MIF4GD: variants seen among roughly 807,000 people sequenced by gnomAD.
MIF4GD encodes MIF4G domain containing, also known as MIF4G domain-containing protein.
In MIF4GD, 22 loss-of-function variants were observed where a neutral mutation model predicts 26.7. That is an observed-to-expected ratio of 0.82 (90% CI 0.59 to 1.18). The LOEUF (loss-of-function observed/expected upper bound fraction) is 1.18. MIF4GD is among the 50% of genes most tolerant of loss of function. MIF4GD has a pLI of 0.00. For synonymous variants in MIF4GD, 137 were observed against 111.6 expected, an observed-to-expected ratio of 1.23 and a Z score of -1.43; for missense variants, 262 against 279.6, an observed-to-expected ratio of 0.94 and a Z score of 0.45.
chr17:75,267,631 C>T lies in MIF4GD; in HGVS notation c.349-1G>A, dbSNP rs769313826. 29 of 1,614,118 alleles carry T rather than the reference C, an allele frequency of 1.8e-5. No individual in the cohort carries two copies. In the South Asian group the frequency reaches 3.2e-4, roughly 18 times the overall value. On this transcript the variant is annotated splice_acceptor_variant, in intron 4 of 5. Transcript: ENST00000325102. LOFTEE classifies it high-confidence loss of function. The stretch of plus-strand genomic sequence containing the variant: ...GGGCCATCATGGGCATGTTGTTCAC[C>T]TGTGAGGAAGAGGAGGGGTCAGAGC...
Position 75,270,688 on chromosome 17 carries a change from CCT to C in MIF4GD, c.-50-445_-50-444del, listed in dbSNP as rs1414172965. ...AGGTCTCCGAGCCCCTCTCCCCAAC[CCT>C]CTCTTTCTGGCTTTCGCCGAGTCCT... On this transcript the variant is annotated intron_variant, in intron 1 of 5. Coordinates refer to ENST00000325102, the MANE Select transcript of MIF4GD (RefSeq NM_001370592.1). This position sits in a 1 kb window ranked among gnomAD's most constrained non-coding sequence, Gnocchi z 5.7. The C allele has an allele frequency of 1.3e-5, 2 of 157,204 alleles. No individual in the cohort carries two copies. Among genetic ancestry groups the C allele is most frequent in the East Asian group, 1.9e-4 (1 of 5,270 alleles). The allele number at this position is 157,204 out of a possible 1,614,324, so 9.7% of individuals were successfully genotyped here. A position where few individuals can be genotyped will look rare whatever the true frequency, so the allele number is the denominator to read the frequency against.
intron 2 of MIF4GD, chr17:75,269,319 T>A: frequency 6.2e-7 from 1 of 1,610,716 alleles, no homozygotes; most frequent in South Asian, 1.1e-5. Flanking sequence ...ACATGATGGG[T>A]GTTGCTAATT....
chr17:75,269,207 C>T, intron 2 of MIF4GD: 2 of 862,060 alleles, frequency 2.3e-6, no homozygotes, highest in Non-Finnish European at 3.5e-6. Flanking sequence ...CAGGACATGC[C>T]TCCAACAGCA....
chr17:75,269,295 A>ATGT, intron 2 of MIF4GD: 1 of 1,604,192 alleles, frequency 6.2e-7, no homozygotes, highest in Admixed American at 1.7e-5. Flanking sequence ...GCCTCCCAAC[A>ATGT]GGCTCGGCTT....
At chr17:75,267,208 C>T (rs1158576985) in intron 5 of MIF4GD, among the ~76,000 whole-genome samples, 2 of 67,874 alleles carry the variant, frequency 2.9e-5, no homozygotes, top group Non-Finnish European at 4.3e-5. Context: ...TCATCCCACT[C>T]TCCTGCCTCC....
Position 75,266,618 on chromosome 17 carries a change from G to T in MIF4GD, c.*122C>A. The T allele has an allele frequency of 1.1e-6, 1 of 897,558 alleles. No homozygotes were observed. The highest frequency in any genetic ancestry group is 1.8e-6 in the Non-Finnish European group (1 of 560,518). The allele number at this position is 897,558 out of a possible 1,614,324, so 55.6% of individuals were successfully genotyped here. On this transcript the variant is annotated 3_prime_UTR_variant, in exon 6 of 6. Coordinates refer to ENST00000325102, the MANE Select transcript of MIF4GD (RefSeq NM_001370592.1). ...TCTCACCAGGAGATGGGAAAGTCTA[G>T]AAGGGAAGACACTCAAAGTCTGGAA...
At chr17:75,269,737 C>CTTTTTTTTTTTTTTTT (rs796368431) in intron 2 of MIF4GD, among the ~76,000 whole-genome samples, 2 of 103,720 alleles carry the variant, frequency 1.9e-5, no homozygotes, top group Non-Finnish European at 3.6e-5. Flanking sequence ...TTTTTCTTTT[C>CTTTTTTTTTTTTTTTT]TTTCTTTTTT....
chr17:75,267,770 G>C lies in MIF4GD; in HGVS notation c.324C>G (p.Ile108Met), dbSNP rs772752581. 1.2e-6 allele frequency: 2 copies of C among 1,613,876 alleles called. No individual in the cohort carries two copies. The highest frequency in any genetic ancestry group is 8.5e-7 in the Non-Finnish European group (1 of 1,179,888). Residue 108 changes from isoleucine to methionine, a missense_variant, in exon 4 of 6, where the codon ATC becomes ATG. Physicochemically the swap from Ile to Met is conservative, Grantham distance 10. Coordinates refer to ENST00000325102, the MANE Select transcript of MIF4GD (RefSeq NM_001370592.1). Reference protein sequence around the residue: ...LQGWVCYVTFICNIFDYLRVN... With the variant: ...LQGWVCYVTFMCNIFDYLRVN... Reference sequence around the variant, plus strand: ...CCCTCAGGTAGTCAAAGATGTTGCAGATAAAGGTGACATAGCAGACCCAGC... The same window carrying C: ...CCCTCAGGTAGTCAAAGATGTTGCACATAAAGGTGACATAGCAGACCCAGC...
rs1029856179 is a variant in MIF4GD, at chr17:75,269,525, G to A, written c.82+589C>T. 1.5e-4 allele frequency: 212 copies of A among 1,427,540 alleles called. No individual in the cohort carries two copies. In the Admixed American group the frequency reaches 1.7e-3, roughly 11 times the overall value. The allele number at this position is 1,427,540 out of a possible 1,614,324, so 88.4% of individuals were successfully genotyped here. ...TGTAAGCGCTTCAAGGGCAGGAGCC[G>A]TGTTCTTTTTTTTATGGTTAAACTT... On this transcript the variant is annotated intron_variant, in intron 2 of 5. Coordinates refer to ENST00000325102, the MANE Select transcript of MIF4GD (RefSeq NM_001370592.1).
At chr17:75,268,671 CAAAAA>C (rs1192409186) in intron 2 of MIF4GD, among the ~76,000 whole-genome samples, 1 of 47,842 alleles carries the variant, frequency 2.1e-5, no homozygotes. Flanking sequence ...GACTCCGTCT[CAAAAA>C]AAAAAAAAAA....
rs1289804485 is a variant in MIF4GD at position 75,267,740 on chromosome 17, C to T, written c.348+6G>A. 4 of 1,612,244 alleles carry T rather than the reference C, an allele frequency of 2.5e-6. No homozygotes were observed. Among genetic ancestry groups the T allele is most frequent in the Non-Finnish European group, 3.4e-6 (4 of 1,178,744 alleles). On this transcript the variant is annotated splice_donor_region_variant and intron_variant, in intron 4 of 5. Coordinates refer to ENST00000325102, the MANE Select transcript of MIF4GD (RefSeq NM_001370592.1). ...CTGCCTCCCAGGGTGGCTGCCGGGG[C>T]CTCACCCTCAGGTAGTCAAAGATGT...
In MIF4GD at chr17:75,266,697, A is replaced by T. The variant is rs1434007977; in HGVS notation, c.*43T>A. 1 of 1,575,880 alleles carries T rather than the reference A, an allele frequency of 6.3e-7. No homozygotes were observed. Among genetic ancestry groups the T allele is most frequent in the East Asian group, 2.2e-5 (1 of 44,666 alleles). On this transcript the variant is annotated 3_prime_UTR_variant, in exon 6 of 6. Transcript: ENST00000325102. ...TCCACTGCCAGCTTTAGAGGTGGGT[A>T]GAAGAAAGGCCAGTGCTGGTGAGGA...
At position 75,267,893 on chromosome 17, in the gene MIF4GD, ACT is replaced by A. The variant is rs765641121; in HGVS notation, c.199_200del (p.Ser67Ter). The A allele has an allele frequency of 1.6e-5, 25 of 1,611,494 alleles. No homozygotes were observed. The highest frequency in any genetic ancestry group is 5.3e-5 in the African/African-American group (4 of 74,780). On this transcript the variant is annotated frameshift_variant, in exon 4 of 6. Transcript: ENST00000325102. LOFTEE classifies it high-confidence loss of function. ...GGAAGACACTCTGGCCTGCTTGTTT[ACT>A]CTCTGCCTGTGAGCCAGGGAGAGGA... The part of the protein sequence containing the change: ...RMCYAIIQAE[S>X]KQAGQSVFRR...
At chr17:75,267,215 C>T (rs1479141509) in intron 5 of MIF4GD, among the ~76,000 whole-genome samples, 1 of 152,240 alleles carries the variant, frequency 6.6e-6, no homozygotes, top group Non-Finnish European at 1.5e-5. Flanking sequence ...ACTCTCCTGC[C>T]TCCCACACAC....
chr17:75,269,922 A>G (rs571624586), intron 2 of MIF4GD, among the ~76,000 whole-genome samples, 192 bp downstream of exon 2: 1 of 151,824 alleles, frequency 6.6e-6, no homozygotes, highest in Admixed American at 6.6e-5. Context: ...CTGAGAGGTG[A>G]CTGTGATTCA....
intron 5 of MIF4GD, 48 bp from the exon 6 acceptor site, chr17:75,267,015 CCT>C (rs1168739918): frequency 2.6e-6 from 4 of 1,532,338 alleles, no homozygotes; most frequent in East Asian, 2.3e-5. Context: ...GCAGTGCCAG[CCT>C]CTCACACAGC....
At position 75,271,059 on chromosome 17, in the gene MIF4GD, C is replaced by T. The variant is rs1219652320; in HGVS notation, c.-51+85G>A. 6.6e-6 allele frequency: 1 copy of T among 151,818 alleles called. No homozygotes were observed. The highest frequency in any genetic ancestry group is 2.4e-5 in the African/African-American group (1 of 41,408). 9.4% of individuals were successfully genotyped at this position (151,818 alleles called of 1,614,324 possible). On this transcript the variant is annotated intron_variant, in intron 1 of 5. Transcript: ENST00000325102. The surrounding 1 kb of genome is among the most constrained non-coding windows in gnomAD (Gnocchi z 4.2). ...GCCGTTCCCCCCGCGCCCGGAACGC[C>T]CCTCCCGGAGGCACAGGGCGGGCTG...
At chr17:75,269,514 G>A in intron 2 of MIF4GD, 1 of 1,559,228 alleles carries the variant, frequency 6.4e-7, no homozygotes, top group Non-Finnish European at 8.6e-7. Flanking sequence ...AGCGCTTCAA[G>A]GGCAGGAGCC....
rs757400592 is a variant in MIF4GD at position 75,267,571 on chromosome 17, C to T, written c.408G>A (p.Leu136=). Residue 136 remains leucine (L), a synonymous_variant, in exon 5 of 6, where the codon CTG becomes CTA. Coordinates refer to ENST00000325102, the MANE Select transcript of MIF4GD (RefSeq NM_001370592.1). ...VNPVYDCLFR[L]AQPDSLSKEE... is the part of the protein sequence containing the mutation. ...CCTTGCTCAAACTGTCTGGCTGGGC[C>T]AGCCGGAAGAGGCAGTCATAGACAG... 4.3e-6 allele frequency: 7 copies of T among 1,614,214 alleles called. No individual in the cohort carries two copies. The highest frequency in any genetic ancestry group is 5.9e-6 in the Non-Finnish European group (7 of 1,180,042).
Sources: gnomAD v4.1 joint callset for allele counts (sites outside exome capture counted in the v4.1 genomes callset) on GRCh38, gnomAD v4.1.1 for gene constraint, Gnocchi (gnomAD v3.1) non-coding constraint, MANE v1.5 for transcripts, NCBI Gene and HGNC (gene_info 2026-07-23, HGNC 2026-07-21) for gene names.